The following DNAH5 variants were observed in gnomAD, a reference collection of about 807,000 sequenced individuals.
The protein encoded by DNAH5 is dynein axonemal heavy chain 5.
A neutral mutation model predicts 518.2 loss-of-function variants in DNAH5; 372 were observed. The ratio of observed to expected loss-of-function variants is 0.72; its 90% CI spans 0.66 to 0.78. DNAH5 has a LOEUF of 0.78. Among genes scored for constraint, DNAH5 ranks in the 30% least tolerant of loss-of-function variants. The pLI, the probability that DNAH5 is intolerant of heterozygous loss-of-function variation, is 0.00. For synonymous variants in DNAH5, 2,039 were observed against 2,025.9 expected (o/e 1.01, Z -0.17); for missense variants, 5,523 against 5,687.0 (o/e 0.97, Z 0.93).
intron 68 of DNAH5, among the ~76,000 whole-genome samples, chr5:13,733,722 T>C (rs1451808625): frequency 2.6e-5 from 4 of 152,088 alleles, no homozygotes; most frequent in African/African-American, 2.4e-5. Flanking sequence ...CACACACATA[T>C]GCATATGTAT....
chr5:13,785,061 G>A (rs148224977), intron 52 of DNAH5, among the ~76,000 whole-genome samples: 5 of 152,078 alleles, frequency 3.3e-5, no homozygotes, highest in Non-Finnish European at 7.4e-5. Flanking sequence ...TTATTACATT[G>A]TAATATACTA....
intron 1 of DNAH5, among the ~76,000 whole-genome samples, chr5:13,973,630 T>C (rs1015555247): frequency 2.6e-5 from 4 of 151,918 alleles, no homozygotes; most frequent in African/African-American, 9.7e-5. Context: ...AGAAAACCCT[T>C]GGCACAGAGC....
intron 75 of DNAH5, among the ~76,000 whole-genome samples, chr5:13,711,194 G>T (rs535515717): frequency 1.1e-4 from 16 of 152,230 alleles, no homozygotes; most frequent in African/African-American, 3.9e-4. Context: ...TCATACCAGG[G>T]ATGCAGGGAT....
chr5:13,926,032 C>T (rs1777828412), intron 3 of DNAH5, among the ~76,000 whole-genome samples: 1 of 152,122 alleles, frequency 6.6e-6, no homozygotes, highest in Non-Finnish European at 1.5e-5. Context: ...TGACACCTGA[C>T]CAAGAAATCT....
rs142761474 is a variant in DNAH5 at position 13,721,041 on chromosome 5, C to A, written c.12238G>T (p.Glu4080Ter). ...TRYVSMGQGQ[E>*]VHARKLLQQT... ...TGCAAGAGCTTCCGAGCATGGACTT[C>A]CTGGCCCTGGCCCATGGACACATAA... Residue 4080 changes from glutamate (E) to a stop codon, truncating the protein, a stop_gained, in exon 71 of 79, where the codon GAA (glutamate) becomes TAA (stop). Transcript: ENST00000265104. LOFTEE classifies it high-confidence loss of function. 1 of 1,614,110 alleles carries A rather than the reference C, an allele frequency of 6.2e-7. No homozygotes were observed. Among genetic ancestry groups the A allele is most frequent in the Admixed American group, 1.7e-5 (1 of 60,016 alleles).
intron 1 of DNAH5, among the ~76,000 whole-genome samples, chr5:13,968,373 G>A (rs1176828421): frequency 6.6e-6 from 1 of 152,088 alleles, no homozygotes; most frequent in Non-Finnish European, 1.5e-5. Flanking sequence ...GTGAAAGTGG[G>A]CATCCTTGTC....
At chr5:13,955,280 G>T (rs564313836) in intron 1 of DNAH5, among the ~76,000 whole-genome samples, 6 of 152,268 alleles carry the variant, frequency 3.9e-5, no homozygotes, top group South Asian at 2.1e-4. Flanking sequence ...ATGATTGTAA[G>T]TTTCCTGAGG....
chr5:13,770,118 C>A (rs994181106), intron 56 of DNAH5, among the ~76,000 whole-genome samples: 8 of 152,116 alleles, frequency 5.3e-5, no homozygotes, highest in Non-Finnish European at 8.8e-5. Context: ...AGATGGGAAC[C>A]CTCCGAGTCA....
Position 13,871,608 on chromosome 5 carries a change from G to C in DNAH5, c.3554C>G (p.Ala1185Gly), listed in dbSNP as rs757075459. ...YFQNLEQEIN[A>G]EPEYVCVGSI... ...ACCCACACAGACATATTCAGGCTCA[G>C]CATTAATTTCCTGCTCTAGGTTTTG... is the stretch of plus-strand genomic sequence containing the variant. Residue 1185 changes from alanine to glycine, a missense_variant, in exon 23 of 79, where the codon GCT becomes GGT. Physicochemically the swap from Ala to Gly is moderately conservative, Grantham distance 60. This residue lies in a region of DNAH5 where 5,121 missense variants were observed against 5,223.3 expected (regional missense o/e 0.98). Transcript: ENST00000265104. 2.5e-6 allele frequency: 4 copies of C among 1,613,696 alleles called. No homozygotes were observed. The East Asian group carries it at 8.9e-5, about 36-fold the overall frequency.
intron 65 of DNAH5, among the ~76,000 whole-genome samples, chr5:13,742,564 A>T (rs1380610628): frequency 6.6e-6 from 1 of 152,152 alleles, no homozygotes; most frequent in Non-Finnish European, 1.5e-5. Context: ...TATGAAACAA[A>T]TATTAATAAA....
intron 1 of DNAH5, among the ~76,000 whole-genome samples, chr5:13,959,564 G>C (rs1449195960): frequency 1.3e-5 from 2 of 152,170 alleles, no homozygotes; most frequent in Non-Finnish European, 1.5e-5. Flanking sequence ...AAAAGGATTG[G>C]GGCCACCAAG....
rs1261720710 is a variant in DNAH5, at chr5:13,803,599, A to G, written c.7887+3992T>C. The stretch of plus-strand genomic sequence containing the variant: ...CTTGAATCTCCTTCCACCCAAGTAC[A>G]TCAGTCTTAACCGTAAAACCTGACA... On this transcript the variant is annotated intron_variant, in intron 47 of 78. Transcript: ENST00000265104. Among the ~76,000 whole-genome samples, 3 of 152,234 alleles carry G rather than the reference A, an allele frequency of 2.0e-5. No individual in the cohort carries two copies. In the East Asian group the frequency reaches 5.8e-4, roughly 29 times the overall value.
chr5:13,790,893 A>G (rs1289257124), intron 50 of DNAH5, among the ~76,000 whole-genome samples: 3 of 152,170 alleles, frequency 2.0e-5, no homozygotes, highest in Non-Finnish European at 1.5e-5. Flanking sequence ...ACAAAGACAG[A>G]AATGGCAGAC....
intron 17 of DNAH5, among the ~76,000 whole-genome samples, chr5:13,887,925 T>C (rs1232512427): frequency 6.6e-6 from 1 of 152,140 alleles, no homozygotes; most frequent in Non-Finnish European, 1.5e-5. Context: ...GGAATCATTC[T>C]ACATGACTAT....
At chr5:14,010,727 C>T (rs1433436030) in intron 1 of DNAH5, among the ~76,000 whole-genome samples, 2 of 151,940 alleles carry the variant, frequency 1.3e-5, no homozygotes, top group Admixed American at 6.6e-5. Flanking sequence ...AAAATAAAAG[C>T]CAATTTTGAG....
chr5:13,737,037 C>T (rs960845778), intron 66 of DNAH5, among the ~76,000 whole-genome samples: 9 of 152,070 alleles, frequency 5.9e-5, no homozygotes, highest in African/African-American at 2.2e-4. Context: ...AAGGATTTAC[C>T]AACTAACATG....
chr5:13,898,459 A>T lies in DNAH5; in HGVS notation c.2259+1747T>A, dbSNP rs75079937. The T allele has an allele frequency of 4.3e-3, 1,725 of 398,342 alleles. 23 individuals are homozygous for T. The highest frequency in any genetic ancestry group is 0.032 in the African/African-American group (1,582 of 48,754). 24.7% of individuals were successfully genotyped at this position (398,342 alleles called of 1,614,324 possible). A position where few individuals can be genotyped will look rare whatever the true frequency, so the allele number is the denominator to read the frequency against. ...ATCTCAACATGCTGACTGGTATTTT[A>T]TGAGTCTACATTTGAGGAATGTCTG... On this transcript the variant is annotated intron_variant, in intron 15 of 78. Coordinates refer to ENST00000265104, the MANE Select transcript of DNAH5 (RefSeq NM_001369.3).
At chr5:13,999,720 G>T (rs1041261364) in intron 1 of DNAH5, among the ~76,000 whole-genome samples, 3 of 152,288 alleles carry the variant, frequency 2.0e-5, no homozygotes, top group African/African-American at 7.2e-5. Flanking sequence ...AATGAGGGGT[G>T]CCTGGATCAT....
chr5:13,830,075 T>C lies in DNAH5; in HGVS notation c.6200A>G (p.Asp2067Gly). Reference protein sequence around the residue: ...KEHKKSFIFTDGDNVTMNPEF... With the variant: ...KEHKKSFIFTGGDNVTMNPEF... ...AGGGTTCATAGTCACATTATCTCCA[T>C]CAGTAAAGATAAAAGACTTTTTGTG... Residue 2067 changes from aspartate to glycine, a missense_variant, in exon 37 of 79, where the codon GAT (aspartate) becomes GGT (glycine). Coordinates refer to ENST00000265104, the MANE Select transcript of DNAH5 (RefSeq NM_001369.3). 3.1e-6 allele frequency: 5 copies of C among 1,614,006 alleles called. No homozygotes were observed. The highest frequency in any genetic ancestry group is 4.2e-6 in the Non-Finnish European group (5 of 1,179,952).
Sources: gnomAD v4.1 joint callset for allele counts (sites outside exome capture counted in the v4.1 genomes callset) on GRCh38, gnomAD v4.1.1 for gene constraint, gnomAD v4.1.1 regional missense constraint, MANE v1.5 for transcripts, NCBI Gene and HGNC (gene_info 2026-07-23, HGNC 2026-07-21) for gene names.